MYH13: variants seen among roughly 807,000 people sequenced by gnomAD.
MYH13 encodes the protein myosin-13.
In MYH13, 177 loss-of-function variants were observed where a neutral mutation model predicts 232.1. The ratio of observed to expected loss-of-function variants is 0.76; its 90% CI spans 0.67 to 0.86. MYH13 has a LOEUF of 0.86. Ranked by LOEUF, MYH13 falls within the 40% of genes least tolerant of loss-of-function variation. The pLI is 0.00. For synonymous variants in MYH13, 884 were observed against 923.5 expected, an observed-to-expected ratio of 0.96 and a Z score of 0.78; for missense variants, 2,246 against 2,405.9, an observed-to-expected ratio of 0.93 and a Z score of 1.39.
chr17:10,324,635 G>A (rs935540013), intron 22 of MYH13, among the ~76,000 whole-genome samples: 10 of 151,500 alleles, frequency 6.6e-5, no homozygotes, highest in Non-Finnish European at 1.3e-4. Flanking sequence ...TTGTAGAGAT[G>A]GGATTTCACC....
rs1336362356 is a variant in MYH13 at position 10,319,039 on chromosome 17, G to A, written c.3489C>T (p.Ala1163=). 1.2e-6 allele frequency: 2 copies of A among 1,614,048 alleles called. No individual in the cohort carries two copies. Among genetic ancestry groups the A allele is most frequent in the East Asian group, 4.5e-5 (2 of 44,870 alleles). Residue 1163 remains alanine, a synonymous_variant, in exon 27 of 41, where the codon GCC becomes GCT. Transcript: ENST00000252172. Reference sequence around the variant, plus strand: ...CCCTCTTCTTGTTCATCTCAATCTGGGCTGAAGTGGCCCCACTGGCTTCTT... The same window carrying A: ...CCCTCTTCTTGTTCATCTCAATCTGAGCTGAAGTGGCCCCACTGGCTTCTT... The part of the protein sequence containing the change: ...RLEEASGATS[A]QIEMNKKREA...
chr17:10,344,445 A>G (rs1398965916), intron 15 of MYH13, among the ~76,000 whole-genome samples: 1 of 152,130 alleles, frequency 6.6e-6, no homozygotes, highest in African/African-American at 2.4e-5. Flanking sequence ...TAATGTCCCA[A>G]TTTCTCAGTA....
rs1906091936 is a variant in MYH13, at chr17:10,301,578, C to A, written c.5793G>T (p.Val1931=). 1.9e-6 allele frequency: 3 copies of A among 1,614,156 alleles called. No individual in the cohort carries two copies. The highest frequency in any genetic ancestry group is 2.5e-6 in the Non-Finnish European group (3 of 1,180,022). The change falls in exon 40 of 41, where the codon GTG becomes GTT. Residue 1931 remains valine (V), a synonymous_variant. Transcript: ENST00000252172. ...VNKLRAKSRD[V]GSQKMEE ...AGGTACCTGCTCTTACCTGGCTGCC[C>A]ACGTCTCGGCTCTTGGCCCTCAGCT...
intron 11 of MYH13, among the ~76,000 whole-genome samples, chr17:10,354,416 G>A (rs2240580): frequency 6.6e-6 from 1 of 152,134 alleles, no homozygotes; most frequent in Non-Finnish European, 1.5e-5. Flanking sequence ...ATGCAAAAAT[G>A]CATTCCAGTT....
intron 18 of MYH13, among the ~76,000 whole-genome samples, chr17:10,336,384 C>T (rs2142250479): frequency 6.6e-6 from 1 of 152,346 alleles, no homozygotes; most frequent in African/African-American, 2.4e-5. Flanking sequence ...TGTATCACTT[C>T]CATCCCACTC....
Position 10,303,402 on chromosome 17 carries a change from T to C in MYH13, c.5563A>G (p.Thr1855Ala). 6.2e-7 allele frequency: 1 copy of C among 1,613,912 alleles called. No homozygotes were observed. ...GTTTTTGGGACCCCTACCTGGTAAG[T>C]CATCTCCTTGACTTTGCGTTCGTAC... ...HKYERKVKEM[T>A]YQAEEDHKNI... The change falls in exon 38 of 41, where the codon ACT becomes GCT. Residue 1855 changes from threonine to alanine, a missense_variant. Thr to Ala is a moderately conservative substitution (Grantham distance 58, BLOSUM62 0). Transcript: ENST00000252172.
At chr17:10,354,589 T>A in intron 11 of MYH13, 91 bp downstream of exon 11, 1 of 1,203,042 alleles carries the variant, frequency 8.3e-7, no homozygotes, top group East Asian at 2.4e-5. Flanking sequence ...TATCCCTGGA[T>A]TTCAGCTTTC....
At position 10,311,220 on chromosome 17, in the gene MYH13, A is replaced by T. The variant is rs200668436; in HGVS notation, c.4539T>A (p.Ile1513=). 3.3e-5 allele frequency: 54 copies of T among 1,613,864 alleles called. No individual in the cohort carries two copies. The highest frequency in any genetic ancestry group is 4.4e-5 in the Non-Finnish European group (52 of 1,179,902). Residue 1513 remains isoleucine (I), a synonymous_variant, in exon 33 of 41, where the codon ATT becomes ATA. Transcript: ENST00000252172. ...CTGCAATCTGCTCAGTTAAGTCGGA[A>T]ATCTCTTCTGCAAAGGACAGGCTTG... ...RRENKNLQEE[I]SDLTEQIAET...
chr17:10,309,225 C>A lies in MYH13; in HGVS notation c.5169+9G>T. 6.2e-7 allele frequency: 1 copy of A among 1,611,298 alleles called. No individual in the cohort carries two copies. The highest frequency in any genetic ancestry group is 8.5e-7 in the Non-Finnish European group (1 of 1,179,182). ...TGGACCTTCAGCGGAGGAGTGAGGG[C>A]CGACGCACCTGGGAGTGCAGGAGCT... On this transcript the variant is annotated intron_variant, in intron 35 of 40. Coordinates refer to ENST00000252172, the MANE Select transcript of MYH13 (RefSeq NM_003802.3).
chr17:10,321,511 A>G lies in MYH13; in HGVS notation c.3111+21T>C, dbSNP rs376281930. ...TTCCACAAGTGATAAATGCTAAAGC[A>G]TAGTAGTAAAATATCCTCACATCAT... is the stretch of plus-strand genomic sequence containing the variant. On this transcript the variant is annotated intron_variant, in intron 24 of 40. Coordinates refer to ENST00000252172, the MANE Select transcript of MYH13 (RefSeq NM_003802.3). 8.7e-6 allele frequency: 14 copies of G among 1,605,294 alleles called. No individual in the cohort carries two copies. The African/African-American group carries it at 1.5e-4, about 17-fold the overall frequency.
At chr17:10,370,446 A>G (rs1438999727) in intron 2 of MYH13, among the ~76,000 whole-genome samples, 5 of 152,136 alleles carry the variant, frequency 3.3e-5, no homozygotes, top group African/African-American at 1.2e-4. Context: ...TCTCTGTTCC[A>G]AGAGCAGGAC....
intron 37 of MYH13, 21 bp from the exon 38 acceptor site, chr17:10,303,519 A>C (rs781782326): frequency 1.2e-6 from 2 of 1,605,204 alleles, no homozygotes; most frequent in South Asian, 2.2e-5. Context: ...TGAAAGGAAC[A>C]CAGAATTCAA....
intron 11 of MYH13, among the ~76,000 whole-genome samples, chr17:10,354,399 C>A (rs1298012145): frequency 6.6e-6 from 1 of 152,142 alleles, no homozygotes; most frequent in Non-Finnish European, 1.5e-5. Context: ...GGTTAAAGAT[C>A]TTATAAATGC....
At chr17:10,317,229 C>T (rs193267614) in intron 27 of MYH13, among the ~76,000 whole-genome samples, 4 of 151,964 alleles carry the variant, frequency 2.6e-5, no homozygotes, top group South Asian at 2.1e-4. Context: ...CCTGGCTCGC[C>T]GAGAGAGAGG....
At chr17:10,360,227 A>G in intron 5 of MYH13, 39 bp from the exon 6 acceptor site, 1 of 1,600,540 alleles carries the variant, frequency 6.2e-7, no homozygotes, top group South Asian at 1.1e-5. Flanking sequence ...ACAAATAAAC[A>G]ACAAACAGAA....
At chr17:10,335,480 C>T (rs534730666) in intron 18 of MYH13, among the ~76,000 whole-genome samples, 15 of 152,270 alleles carry the variant, frequency 9.9e-5, no homozygotes, top group South Asian at 2.1e-4. Context: ...AGGCCCGGTG[C>T]GATGGCTCAC....
chr17:10,338,828 A>C (rs1190963713), intron 18 of MYH13, among the ~76,000 whole-genome samples: 2 of 151,690 alleles, frequency 1.3e-5, no homozygotes, highest in Admixed American at 6.6e-5. Context: ...GGCCTCCCGA[A>C]TAGCTGGGAC....
chr17:10,347,869 C>G (rs558356163), intron 12 of MYH13, among the ~76,000 whole-genome samples: 50 of 152,104 alleles, frequency 3.3e-4, no homozygotes, highest in Non-Finnish European at 5.4e-4. Flanking sequence ...AGGCACCCAC[C>G]ACCAGGCCCG....
Position 10,344,017 on chromosome 17 carries a change from A to G in MYH13, c.1677T>C (p.Leu559=), listed in dbSNP as rs764792060. ...SFKNKLYDQH[L]GKSNNFQKPK... ...GCTTCTGGAAGTTGTTGGATTTTCC[A>G]AGATGCTGGTCATACAGCTTGTTCT... Residue 559 remains leucine (L), a synonymous_variant, in exon 16 of 41, where the codon CTT becomes CTC. Coordinates refer to ENST00000252172, the MANE Select transcript of MYH13 (RefSeq NM_003802.3). The G allele has an allele frequency of 6.2e-7, 1 of 1,614,216 alleles. No homozygotes were observed. Among genetic ancestry groups the G allele is most frequent in the South Asian group, 1.1e-5 (1 of 91,080 alleles).
Sources: gnomAD v4.1 joint callset for allele counts (sites outside exome capture counted in the v4.1 genomes callset) on GRCh38, gnomAD v4.1.1 for gene constraint, MANE v1.5 for transcripts, NCBI Gene and HGNC (gene_info 2026-07-23, HGNC 2026-07-21) for gene names.